The following THSD7B variants were observed in gnomAD, a reference collection of about 807,000 sequenced individuals.
The protein encoded by THSD7B is thrombospondin type 1 domain containing 7B.
A neutral mutation model predicts 213.6 loss-of-function variants in THSD7B; 138 were observed. The observed-to-expected ratio is 0.65, with a 90% CI of 0.56 to 0.74. THSD7B has a LOEUF of 0.74. Among genes scored for constraint, THSD7B ranks in the 30% least tolerant of loss-of-function variants. The pLI, the probability that THSD7B is intolerant of heterozygous loss-of-function variation, is 0.00. For missense variants in THSD7B, 1,931 were observed against 1,991.5 expected (o/e 0.97, Z 0.58); for synonymous variants, 742 against 687.0 (o/e 1.08, Z -1.25).
At chr2:137,598,298 A>G (rs1682003896) in intron 17 of THSD7B, among the ~76,000 whole-genome samples, 1 of 152,216 alleles carries the variant, frequency 6.6e-6, no homozygotes. Context: ...TGTCACTGCT[A>G]CATCTGATAA....
At chr2:136,899,442 C>A (rs1684026191) in intron 2 of THSD7B, among the ~76,000 whole-genome samples, 1 of 151,942 alleles carries the variant, frequency 6.6e-6, no homozygotes, top group Non-Finnish European at 1.5e-5. Flanking sequence ...AACATGTGTC[C>A]AATTTTATAA....
intron 15 of THSD7B, among the ~76,000 whole-genome samples, chr2:137,524,358 G>A (rs191284178): frequency 6.6e-6 from 1 of 152,064 alleles, no homozygotes; most frequent in South Asian, 2.1e-4. Context: ...CTGCTTGGCT[G>A]GCAGAGCACA....
intron 1 of THSD7B, among the ~76,000 whole-genome samples, chr2:136,788,020 G>T (rs1681899110): frequency 6.6e-6 from 1 of 152,176 alleles, no homozygotes; most frequent in African/African-American, 2.4e-5. Flanking sequence ...AACCAAAACT[G>T]ACTGATGCAG....
intron 14 of THSD7B, among the ~76,000 whole-genome samples, chr2:137,424,784 A>T (rs1333787242): frequency 6.6e-6 from 1 of 152,168 alleles, no homozygotes; most frequent in African/African-American, 2.4e-5. Flanking sequence ...AATATTTTAA[A>T]AAATAGGCCG....
At chr2:137,526,810 A>T (rs1680288512) in intron 15 of THSD7B, among the ~76,000 whole-genome samples, 1 of 152,144 alleles carries the variant, frequency 6.6e-6, no homozygotes, top group African/African-American at 2.4e-5. Flanking sequence ...TGTTTTGAAT[A>T]AGAGGGTATT....
intron 12 of THSD7B, among the ~76,000 whole-genome samples, chr2:137,388,390 A>G (rs1685942868): frequency 6.6e-6 from 1 of 150,462 alleles, no homozygotes; most frequent in African/African-American, 2.4e-5. Context: ...GAGTTTTTTT[A>G]TTGATATATA....
intron 20 of THSD7B, among the ~76,000 whole-genome samples, chr2:137,626,463 C>CAAAAAA (rs34778966): frequency 2.1e-5 from 2 of 93,600 alleles, no homozygotes; most frequent in Non-Finnish European, 4.5e-5. Context: ...GACTCTGTCT[C>CAAAAAA]AAAAAAAAAA....
At chr2:137,261,559 A>T (rs961386476) in intron 10 of THSD7B, among the ~76,000 whole-genome samples, 1 of 152,164 alleles carries the variant, frequency 6.6e-6, no homozygotes, top group East Asian at 1.9e-4. Context: ...GATTCTAAAA[A>T]GTCGCATTAT....
At chr2:136,959,778 G>T (rs549078455) in intron 2 of THSD7B, among the ~76,000 whole-genome samples, 1 of 152,106 alleles carries the variant, frequency 6.6e-6, no homozygotes, top group Non-Finnish European at 1.5e-5. Flanking sequence ...ACATAGGAGT[G>T]TTTCTCTGCT....
At chr2:137,457,306 A>G (rs1019472605) in intron 15 of THSD7B, among the ~76,000 whole-genome samples, 17 of 152,184 alleles carry the variant, frequency 1.1e-4, no homozygotes, top group Admixed American at 2.0e-4. Flanking sequence ...TCTGCATTGC[A>G]TCCAAACTCA....
rs111881542 is a variant in THSD7B at position 137,230,040 on chromosome 2, C to T, written c.1724-1004C>T. Among the ~76,000 whole-genome samples the T allele has an allele frequency of 7.8e-3, 1,184 of 152,154 alleles. 6 individuals are homozygous for T. Among genetic ancestry groups the T allele is most frequent in the South Asian group, 0.014 (68 of 4,822 alleles). ...TGTTGTTATTTCAAACAATAAATGA[C>T]GTCACTATTCTTTGTGTCCTCTGTT... On this transcript the variant is annotated intron_variant, in intron 7 of 27. Transcript: ENST00000409968.
In THSD7B at chr2:136,929,537, A is replaced by G. The variant is rs575314440; in HGVS notation, c.139+47220A>G. ...TAAGTTAAAACAAAAATGCAATAACATCTTTTAGAAGCCACTCAGGAAATT... is the reference window on the plus strand; with the variant it reads ...TAAGTTAAAACAAAAATGCAATAACGTCTTTTAGAAGCCACTCAGGAAATT... On this transcript the variant is annotated intron_variant, in intron 2 of 27. Transcript: ENST00000409968. Among the ~76,000 whole-genome samples, 44 of 152,348 alleles carry G rather than the reference A, an allele frequency of 2.9e-4. No homozygotes were observed. The South Asian group carries it at 7.4e-3, about 26-fold the overall frequency.
At chr2:136,874,381 G>A (rs958921140) in intron 1 of THSD7B, among the ~76,000 whole-genome samples, 3 of 152,112 alleles carry the variant, frequency 2.0e-5, no homozygotes, top group Non-Finnish European at 4.4e-5. Flanking sequence ...CATTATGGAA[G>A]GTAAAGTGGG....
At chr2:137,437,654 A>C (rs1282287548) in intron 14 of THSD7B, among the ~76,000 whole-genome samples, 1 of 152,166 alleles carries the variant, frequency 6.6e-6, no homozygotes, top group Non-Finnish European at 1.5e-5. Context: ...GAGGGAACAC[A>C]GGAAGAGGAA....
chr2:137,100,109 C>CTT (rs5834531), intron 4 of THSD7B, among the ~76,000 whole-genome samples: 2 of 152,054 alleles, frequency 1.3e-5, no homozygotes, highest in South Asian at 2.1e-4. Flanking sequence ...TCTAGACATC[C>CTT]TTTTTTCTTG....
rs368433539 is a variant in THSD7B at position 137,172,267 on chromosome 2, C to T, written c.1723+1329C>T. 2.0e-4 allele frequency among the ~76,000 whole-genome samples: 30 copies of T among 152,228 alleles called. No homozygotes were observed. In the East Asian group the frequency reaches 2.3e-3, roughly 12 times the overall value. The stretch of plus-strand genomic sequence containing the variant: ...TAAATCCCTTGGAATTTCCTGAGTG[C>T]AAGGCCTGCCTTATTCTAATGAAGT... On this transcript the variant is annotated intron_variant, in intron 7 of 27. Coordinates refer to ENST00000409968, the MANE Select transcript of THSD7B (RefSeq NM_001316349.2).
chr2:137,464,191 T>G (rs886436233), intron 15 of THSD7B, among the ~76,000 whole-genome samples: 2 of 151,998 alleles, frequency 1.3e-5, no homozygotes, highest in Non-Finnish European at 2.9e-5. Flanking sequence ...ACAATATGAT[T>G]TCCTCATTTA....
chr2:137,580,161 A>G (rs527401617), intron 17 of THSD7B, among the ~76,000 whole-genome samples: 16 of 152,160 alleles, frequency 1.1e-4, no homozygotes, highest in Non-Finnish European at 2.9e-5. Flanking sequence ...ATTTCAAATG[A>G]ATATTCCTAT....
intron 15 of THSD7B, among the ~76,000 whole-genome samples, chr2:137,451,587 TA>T (rs1410990660): frequency 1.3e-5 from 2 of 152,090 alleles, no homozygotes; most frequent in African/African-American, 4.8e-5. Context: ...TTTTCATAAA[TA>T]AAACCATGAT....
Sources: allele counts gnomAD v4.1 joint callset (sites outside exome capture counted in the v4.1 genomes callset), GRCh38; gene constraint gnomAD v4.1.1; transcripts MANE v1.5; gene names NCBI Gene and HGNC (gene_info 2026-07-23, HGNC 2026-07-21).